The following ELMO1 variants were observed in gnomAD, a reference collection of about 807,000 sequenced individuals.
The protein encoded by ELMO1 is engulfment and cell motility protein 1.
Under a neutral mutation model 98.9 loss-of-function variants are expected in ELMO1, and 26 were observed. That is an observed-to-expected ratio of 0.26 (90% CI 0.19 to 0.36). The LOEUF (loss-of-function observed/expected upper bound fraction) is 0.36. Ranked by LOEUF, ELMO1 falls within the 10% of genes least tolerant of loss-of-function variation. ELMO1 has a pLI of 1.00. For synonymous variants in ELMO1, 346 were observed against 346.0 expected, an observed-to-expected ratio of 1.00 and a Z score of 0.00; for missense variants, 627 against 935.2, an observed-to-expected ratio of 0.67 and a Z score of 4.30.
At chr7:37,113,379 T>C (rs1281801277) in intron 14 of ELMO1, among the ~76,000 whole-genome samples, 1 of 152,110 alleles carries the variant, frequency 6.6e-6, no homozygotes, top group Non-Finnish European at 1.5e-5. Context: ...GAACAGGAAA[T>C]AAAGAAAACA....
At chr7:37,298,064 G>C (rs891436096) in intron 4 of ELMO1, among the ~76,000 whole-genome samples, 4 of 151,978 alleles carry the variant, frequency 2.6e-5, no homozygotes, top group Non-Finnish European at 4.4e-5. Context: ...GTTTTTTGAA[G>C]ATACTTGAGA....
intron 2 of ELMO1, among the ~76,000 whole-genome samples, chr7:37,317,885 C>T (rs186877881): frequency 6.6e-6 from 1 of 152,248 alleles, no homozygotes; most frequent in African/African-American, 2.4e-5. Flanking sequence ...TCATTTTCCA[C>T]AATAAAATTA....
intron 1 of ELMO1, among the ~76,000 whole-genome samples, chr7:37,345,262 C>G (rs1800940059): frequency 6.6e-6 from 1 of 152,188 alleles, no homozygotes; most frequent in South Asian, 2.1e-4. Flanking sequence ...TGAGGATATA[C>G]AGCAGCAAAT....
At chr7:37,024,778 T>C (rs141230657) in intron 15 of ELMO1, among the ~76,000 whole-genome samples, 1 of 152,326 alleles carries the variant, frequency 6.6e-6, no homozygotes, top group Non-Finnish European at 1.5e-5. Context: ...ATATTAGTCA[T>C]AAAATGTTAC....
At chr7:37,182,933 G>A (rs146733123) in intron 13 of ELMO1, among the ~76,000 whole-genome samples, 2 of 152,248 alleles carry the variant, frequency 1.3e-5, no homozygotes, top group Non-Finnish European at 2.9e-5. Context: ...CTCTAGGCTG[G>A]CACTCCATAA....
intron 1 of ELMO1, among the ~76,000 whole-genome samples, chr7:37,363,807 T>C (rs1801791698): frequency 6.6e-6 from 1 of 152,090 alleles, no homozygotes; most frequent in Non-Finnish European, 1.5e-5. Flanking sequence ...ATCTAAACAT[T>C]GGTAGAAGTT....
At chr7:37,160,077 T>C (rs1274356927) in intron 13 of ELMO1, among the ~76,000 whole-genome samples, 2 of 152,222 alleles carry the variant, frequency 1.3e-5, no homozygotes, top group African/African-American at 4.8e-5. Flanking sequence ...TTAAATATTA[T>C]GGAACAATAC....
intron 16 of ELMO1, among the ~76,000 whole-genome samples, chr7:37,000,903 A>T (rs1255684227): frequency 1.3e-5 from 2 of 151,556 alleles, no homozygotes; most frequent in Non-Finnish European, 2.9e-5. Flanking sequence ...AAAATGAAAC[A>T]GAGGGATATA....
chr7:37,214,428 C>T (rs1185166285), intron 11 of ELMO1, among the ~76,000 whole-genome samples: 3 of 152,142 alleles, frequency 2.0e-5, no homozygotes, highest in Non-Finnish European at 4.4e-5. Flanking sequence ...GACAAAGCTC[C>T]CCATTGTAGA....
intron 15 of ELMO1, among the ~76,000 whole-genome samples, chr7:37,091,721 T>C (rs1185093274): frequency 1.3e-5 from 2 of 152,124 alleles, no homozygotes; most frequent in African/African-American, 4.8e-5. Flanking sequence ...CTGGGTAATT[T>C]ATAAAGAAAA....
At chr7:37,175,992 A>G (rs1157268757) in intron 13 of ELMO1, among the ~76,000 whole-genome samples, 1 of 152,224 alleles carries the variant, frequency 6.6e-6, no homozygotes, top group African/African-American at 2.4e-5. Flanking sequence ...TCACAGCAGC[A>G]TAGGATTCAG....
intron 1 of ELMO1, among the ~76,000 whole-genome samples, chr7:37,433,504 C>T (rs564784348): frequency 1.3e-5 from 2 of 152,138 alleles, no homozygotes; most frequent in Non-Finnish European, 2.9e-5. Flanking sequence ...AGGCCTCTAT[C>T]TCCCAGCCCA....
chr7:36,949,843 T>C (rs914200400), intron 16 of ELMO1, among the ~76,000 whole-genome samples: 5 of 152,032 alleles, frequency 3.3e-5, no homozygotes, highest in South Asian at 2.1e-4. Flanking sequence ...TCTCCAGACA[T>C]TGCGAAATCC....
chr7:36,942,224 G>A (rs2129096054), intron 16 of ELMO1, among the ~76,000 whole-genome samples: 1 of 152,242 alleles, frequency 6.6e-6, no homozygotes, highest in South Asian at 2.1e-4. Flanking sequence ...GTGGATCAAA[G>A]AATAGTAAAG....
At chr7:37,123,590 GACGTTGAA>G (rs1563017441) in intron 14 of ELMO1, among the ~76,000 whole-genome samples, 1 of 152,152 alleles carries the variant, frequency 6.6e-6, no homozygotes, top group African/African-American at 2.4e-5. Context: ...AAACCAGGAA[GACGTTGAA>G]TCTCTGAATA....
chr7:37,445,843 C>A (rs949425757), intron 1 of ELMO1, among the ~76,000 whole-genome samples: 1 of 152,126 alleles, frequency 6.6e-6, no homozygotes, highest in Admixed American at 6.5e-5. Flanking sequence ...GACTTCAATC[C>A]CCTTACAATC....
chr7:37,007,829 T>A (rs546401139), intron 16 of ELMO1, among the ~76,000 whole-genome samples: 9 of 152,338 alleles, frequency 5.9e-5, no homozygotes, highest in African/African-American at 2.2e-4. Context: ...TGTTTCCTTC[T>A]GTCCTGCTCT....
At chr7:37,180,378 C>T (rs1418099049) in intron 13 of ELMO1, among the ~76,000 whole-genome samples, 1 of 152,176 alleles carries the variant, frequency 6.6e-6, no homozygotes, top group East Asian at 1.9e-4. Context: ...GAACTTGAAT[C>T]TAATCATGAA....
intron 5 of ELMO1, among the ~76,000 whole-genome samples, chr7:37,259,820 G>A (rs1795887520): frequency 6.6e-6 from 1 of 152,142 alleles, no homozygotes; most frequent in Admixed American, 6.5e-5. Context: ...CACATGTTCG[G>A]GAGCTTCATT....
Sources: gnomAD v4.1 joint callset for allele counts (sites outside exome capture counted in the v4.1 genomes callset) on GRCh38, gnomAD v4.1.1 for gene constraint, MANE v1.5 for transcripts, NCBI Gene and HGNC (gene_info 2026-07-23, HGNC 2026-07-21) for gene names.